TBC1D16: variants seen among roughly 807,000 people sequenced by gnomAD.
The protein encoded by TBC1D16 is TBC1 domain family member 16.
TBC1D16 carries 58 observed loss-of-function variants against 74.7 expected under a neutral mutation model. The observed-to-expected ratio is 0.78, with a 90% CI of 0.63 to 0.97. The LOEUF (loss-of-function observed/expected upper bound fraction) is 0.97, where lower values mean the gene tolerates loss of function less well. Ranked by LOEUF, TBC1D16 falls within the 50% of genes least tolerant of loss-of-function variation. TBC1D16 has a pLI of 0.00. For synonymous variants in TBC1D16, 493 were observed against 474.7 expected (o/e 1.04, Z -0.50); for missense variants, 1,014 against 1,079.5 (o/e 0.94, Z 0.85).
At position 79,975,864 on chromosome 17, in the gene TBC1D16, T is replaced by C. The variant is rs1222435848; in HGVS notation, c.780-23046A>G. ...TCTGTGCAGAGACCGGGCAGAGCTC[T>C]GGGCTTCAGGATGGCAGCAGCAGCT... On this transcript the variant is annotated intron_variant, in intron 3 of 11. Transcript: ENST00000310924. The surrounding 1 kb of genome is among the most constrained non-coding windows in gnomAD (Gnocchi z 4.5). Among the ~76,000 whole-genome samples, 1 of 152,208 alleles carries C rather than the reference T, an allele frequency of 6.6e-6. No individual in the cohort carries two copies. Among genetic ancestry groups the C allele is most frequent in the East Asian group, 1.9e-4 (1 of 5,190 alleles).
intron 3 of TBC1D16, among the ~76,000 whole-genome samples, chr17:79,984,814 A>G (rs1020230552): frequency 2.0e-5 from 3 of 152,076 alleles, no homozygotes; most frequent in Non-Finnish European, 4.4e-5. Context: ...AGCAGGTGAA[A>G]AGACCACACT....
chr17:80,018,930 T>C (rs943571987), intron 1 of TBC1D16, among the ~76,000 whole-genome samples: 10 of 150,192 alleles, frequency 6.7e-5, no homozygotes, highest in Non-Finnish European at 1.0e-4. Context: ...CTCCAAAGTC[T>C]GCTGTGCATT....
In TBC1D16 at chr17:80,025,568, TGCTGGGAGCAGCC is replaced by T. The variant is rs2036551437; in HGVS notation, c.-63+10214_-63+10226del. 2.5e-4 allele frequency among the ~76,000 whole-genome samples: 37 copies of T among 149,502 alleles called. No homozygotes were observed. In the South Asian group the frequency reaches 6.8e-3, roughly 27 times the overall value. ...TGGCACCTGGGCTTCGGGGCCCGCC[TGCTGGGAGCAGCC>T]GCCTGCTGGGAGCACCTCCTTGCTG... On this transcript the variant is annotated intron_variant, in intron 1 of 11. Coordinates refer to ENST00000310924, the MANE Select transcript of TBC1D16 (RefSeq NM_019020.4).
chr17:79,942,295 A>C, intron 10 of TBC1D16, 89 bp from the exon 11 acceptor site: 1 of 1,375,660 alleles, frequency 7.3e-7, no homozygotes. Context: ...GGTGCGAGTG[A>C]GGGCTCCAGG....
chr17:80,022,073 A>G (rs992217173), intron 1 of TBC1D16, among the ~76,000 whole-genome samples: 2 of 149,976 alleles, frequency 1.3e-5, no homozygotes, highest in African/African-American at 2.5e-5. Flanking sequence ...TATACTTAAT[A>G]TAATCCTTTC....
chr17:79,974,929 C>T (rs544078858), intron 3 of TBC1D16, among the ~76,000 whole-genome samples: 1 of 152,306 alleles, frequency 6.6e-6, no homozygotes, highest in South Asian at 2.1e-4. Flanking sequence ...TTGTGGCTAC[C>T]TCCCTGTCCG....
rs1007932639 is a variant in TBC1D16 at position 79,975,619 on chromosome 17, G to A, written c.780-22801C>T. On this transcript the variant is annotated intron_variant, in intron 3 of 11. Coordinates refer to ENST00000310924, the MANE Select transcript of TBC1D16 (RefSeq NM_019020.4). This position sits in a 1 kb window ranked among gnomAD's most constrained non-coding sequence, Gnocchi z 4.5. ...ACTGGGGGGGTCGTGCATGAAGACA[G>A]CCACCGCCCACAACAGGTCCACCCT... Among the ~76,000 whole-genome samples, 4 of 152,154 alleles carry A rather than the reference G, an allele frequency of 2.6e-5. No individual in the cohort carries two copies. Among genetic ancestry groups the A allele is most frequent in the Non-Finnish European group, 5.9e-5 (4 of 68,026 alleles).
At chr17:80,025,100 A>ACACAC (rs1568649890) in intron 1 of TBC1D16, among the ~76,000 whole-genome samples, 1 of 77,324 alleles carries the variant, frequency 1.3e-5, no homozygotes, top group Non-Finnish European at 2.5e-5. Flanking sequence ...CACACACACC[A>ACACAC]TATACACACA....
intron 9 of TBC1D16, 141 bp downstream of exon 9, chr17:79,947,504 G>C (rs1326264408): frequency 1.1e-6 from 1 of 904,624 alleles, no homozygotes; most frequent in South Asian, 1.6e-5. Flanking sequence ...TATCCCACGG[G>C]CAAGTCCTAT....
At chr17:79,942,663 G>A (rs904748770) in intron 10 of TBC1D16, among the ~76,000 whole-genome samples, 4 of 152,198 alleles carry the variant, frequency 2.6e-5, no homozygotes, top group African/African-American at 9.7e-5. Context: ...GTCATGGAAT[G>A]CGCCTCTGGC....
chr17:80,025,959 C>G (rs1173508484), intron 1 of TBC1D16: 1 of 149,816 alleles, frequency 6.7e-6, no homozygotes, highest in Non-Finnish European at 1.5e-5. Flanking sequence ...TTCTGTAAAC[C>G]TAAAACTGCT....
chr17:79,970,854 C>T lies in TBC1D16; in HGVS notation c.780-18036G>A, dbSNP rs916599283. 1.9e-4 allele frequency among the ~76,000 whole-genome samples: 6 copies of T among 30,784 alleles called. No individual in the cohort carries two copies. In the East Asian group the frequency reaches 6.3e-3, roughly 32 times the overall value. The allele number at this position is 30,784 out of a possible 152,430, so 20.2% of individuals were successfully genotyped here. On this transcript the variant is annotated intron_variant, in intron 3 of 11. Transcript: ENST00000310924. ...TGTACGAGTCCCAGTGCAAAAACAG[C>T]GCCACCCTGGAAACGGAGAGTCAGC...
rs572993509 is a variant in TBC1D16 at position 79,975,134 on chromosome 17, G to C, written c.780-22316C>G. Among the ~76,000 whole-genome samples the C allele has an allele frequency of 6.6e-6, 1 of 152,250 alleles. No homozygotes were observed. The highest frequency in any genetic ancestry group is 1.5e-5 in the Non-Finnish European group (1 of 68,050). ...AACACCCGGAACAATCCGCCAGGCC[G>C]CGTCACTCCTCACCCTCCAGCAGGG... is the stretch of plus-strand genomic sequence containing the variant. On this transcript the variant is annotated intron_variant, in intron 3 of 11. Coordinates refer to ENST00000310924, the MANE Select transcript of TBC1D16 (RefSeq NM_019020.4). The surrounding 1 kb of genome is among the most constrained non-coding windows in gnomAD (Gnocchi z 4.5).
intron 1 of TBC1D16, among the ~76,000 whole-genome samples, chr17:80,017,346 T>A (rs1050194635): frequency 6.6e-6 from 1 of 152,060 alleles, no homozygotes; most frequent in Non-Finnish European, 1.5e-5. Flanking sequence ...ATTTTTCACG[T>A]GTCTCAAAAA....
chr17:79,964,265 C>A (rs1363912653), intron 3 of TBC1D16, among the ~76,000 whole-genome samples: 1 of 152,182 alleles, frequency 6.6e-6, no homozygotes, highest in African/African-American at 2.4e-5. Flanking sequence ...CGTGAGCCAC[C>A]ATATCCGGCC....
At chr17:79,973,567 A>G (rs927045741) in intron 3 of TBC1D16, among the ~76,000 whole-genome samples, 3 of 152,082 alleles carry the variant, frequency 2.0e-5, no homozygotes, top group Non-Finnish European at 2.9e-5. Flanking sequence ...AAAAATAGCC[A>G]GGTGTGGCGG....
chr17:79,992,652 G>C (rs1385706972), intron 3 of TBC1D16: 1 of 152,250 alleles, frequency 6.6e-6, no homozygotes, highest in African/African-American at 2.4e-5. Context: ...GGGGTCCCAG[G>C]TCGCCTCTCC....
intron 3 of TBC1D16, among the ~76,000 whole-genome samples, chr17:79,965,315 C>T (rs1320581557): frequency 6.6e-6 from 1 of 152,112 alleles, no homozygotes; most frequent in Non-Finnish European, 1.5e-5. Context: ...CTCCTGACCT[C>T]AAATGATCCG....
rs967645552 is a variant in TBC1D16 at position 79,965,386 on chromosome 17, C to G, written c.780-12568G>C. ...TGTGAGCCACCGCGCCTGGCCTGTA[C>G]TAATTTTTAAAAAAAGAAGCCTGTG... On this transcript the variant is annotated intron_variant, in intron 3 of 11. Transcript: ENST00000310924. Among the ~76,000 whole-genome samples the G allele has an allele frequency of 4.6e-5, 7 of 151,902 alleles. No homozygotes were observed. In the East Asian group the frequency reaches 1.4e-3, roughly 29 times the overall value.
Sources: allele counts gnomAD v4.1 joint callset (sites outside exome capture counted in the v4.1 genomes callset), GRCh38; gene constraint gnomAD v4.1.1; non-coding constraint Gnocchi (gnomAD v3.1); transcripts MANE v1.5; gene names NCBI Gene and HGNC (gene_info 2026-07-23, HGNC 2026-07-21).